Variants in EXOSC7 observed in about 807,000 individuals in gnomAD.
EXOSC7 encodes exosome component 7, also known as exosome complex component RRP42.
In EXOSC7, 25 loss-of-function variants were observed where a neutral mutation model predicts 34.3. The ratio of observed to expected loss-of-function variants is 0.73; its 90% CI spans 0.53 to 1.02. The LOEUF (loss-of-function observed/expected upper bound fraction) is 1.02. Among genes scored for constraint, EXOSC7 ranks in the 50% least tolerant of loss-of-function variants. The probability of loss-of-function intolerance (pLI) is 0.00; values close to 1 mark genes in which losing one functional copy is unlikely to be tolerated. For missense variants in EXOSC7, 370 were observed against 368.5 expected, an observed-to-expected ratio of 1.00 and a Z score of -0.03; for synonymous variants, 130 against 143.0, an observed-to-expected ratio of 0.91 and a Z score of 0.65.
intron 5 of EXOSC7, among the ~76,000 whole-genome samples, chr3:45,002,522 G>C (rs998450653): frequency 1.3e-5 from 2 of 152,150 alleles, no homozygotes; most frequent in Admixed American, 6.5e-5. Flanking sequence ...TGTTAATATG[G>C]AAAATAGTTC....
chr3:44,992,110 A>G (rs1396142155), intron 3 of EXOSC7, among the ~76,000 whole-genome samples: 1 of 152,182 alleles, frequency 6.6e-6, no homozygotes, highest in Non-Finnish European at 1.5e-5. Context: ...GTGAATAGGA[A>G]TGGCTTCTGG....
intron 5 of EXOSC7, chr3:45,002,296 A>G (rs762723333): frequency 6.6e-6 from 1 of 152,188 alleles, no homozygotes; most frequent in African/African-American, 2.4e-5. Context: ...GCCTACATTA[A>G]GGTAACAGAG....
At chr3:44,994,193 T>A (rs1706652109) in intron 3 of EXOSC7, among the ~76,000 whole-genome samples, 1 of 149,224 alleles carries the variant, frequency 6.7e-6, no homozygotes, top group African/African-American at 2.5e-5. Flanking sequence ...GAACATTAAA[T>A]GAGTTAATAC....
intron 1 of EXOSC7, 141 bp downstream of exon 1, chr3:44,976,475 C>A (rs1307495094): frequency 8.1e-6 from 6 of 737,780 alleles, no homozygotes; most frequent in African/African-American, 3.8e-5. Flanking sequence ...GTTCTGCTGC[C>A]GGCGTTTGCA....
intron 5 of EXOSC7, among the ~76,000 whole-genome samples, chr3:45,002,771 G>T (rs1211368472): frequency 6.6e-6 from 1 of 152,160 alleles, no homozygotes; most frequent in Non-Finnish European, 1.5e-5. Flanking sequence ...AATATTTGCT[G>T]AGAATGAAAG....
Position 45,005,317 on chromosome 3 carries a change from ATGAAGAGGGGTCGAAGGACAT to A in EXOSC7, c.523_543del (p.Glu175_Glu181del). 3 of 1,614,120 alleles carry A rather than the reference ATGAAGAGGGGTCGAAGGACAT, an allele frequency of 1.9e-6. No individual in the cohort carries two copies. Among genetic ancestry groups the A allele is most frequent in the Non-Finnish European group, 8.5e-7 (1 of 1,179,998 alleles). On this transcript the variant is annotated inframe_deletion, in exon 6 of 8. Coordinates refer to ENST00000265564, the MANE Select transcript of EXOSC7 (RefSeq NM_015004.4). ...ATACCAAGGGTTCGAGTTTTGGAGGATGAAGAGGGGTCGAAGGACATTGAATTGTCAGATGACCCTTATGAC... is the reference window on the plus strand; with the variant it reads ...ATACCAAGGGTTCGAGTTTTGGAGGATGAATTGTCAGATGACCCTTATGAC...
intron 6 of EXOSC7, among the ~76,000 whole-genome samples, chr3:45,005,821 A>G (rs150757257): frequency 5.9e-5 from 9 of 152,214 alleles, no homozygotes; most frequent in African/African-American, 1.4e-4. Flanking sequence ...CTTGGGTATC[A>G]TGAGTGGTTT....
intron 3 of EXOSC7, among the ~76,000 whole-genome samples, chr3:44,990,049 A>G (rs1461610767): frequency 6.6e-6 from 1 of 152,228 alleles, no homozygotes; most frequent in Non-Finnish European, 1.5e-5. Context: ...TGCTTGACAG[A>G]TGAAGCCTAG....
At chr3:45,001,673 C>G in intron 5 of EXOSC7, 65 bp downstream of exon 5, 1 of 1,152,734 alleles carries the variant, frequency 8.7e-7, no homozygotes. Context: ...TGTAATGGAA[C>G]ACTGAGGAAA....
chr3:44,983,046 A>T (rs1042635041), intron 1 of EXOSC7, among the ~76,000 whole-genome samples: 1 of 152,198 alleles, frequency 6.6e-6, no homozygotes, highest in Non-Finnish European at 1.5e-5. Context: ...AAGCAAGTTA[A>T]TGAGGGGTTA....
chr3:44,999,758 A>ATT (rs1706824176), intron 4 of EXOSC7, among the ~76,000 whole-genome samples: 3 of 152,140 alleles, frequency 2.0e-5, no homozygotes, highest in Non-Finnish European at 4.4e-5. Context: ...TGAAAATTGT[A>ATT]TTATTGATGA....
At chr3:44,997,741 C>T (rs1706761613) in intron 4 of EXOSC7, among the ~76,000 whole-genome samples, 1 of 152,218 alleles carries the variant, frequency 6.6e-6, no homozygotes, top group South Asian at 2.1e-4. Flanking sequence ...GAGGTCTCAG[C>T]TTGTGAGTAG....
chr3:45,010,682 T>G (rs1707182106), intron 7 of EXOSC7, among the ~76,000 whole-genome samples: 1 of 152,216 alleles, frequency 6.6e-6, no homozygotes, highest in South Asian at 2.1e-4. Flanking sequence ...TTCACTGCCT[T>G]TAGCATCTCA....
At chr3:44,979,802 A>C (rs1026314691) in intron 1 of EXOSC7, among the ~76,000 whole-genome samples, 1 of 152,226 alleles carries the variant, frequency 6.6e-6, no homozygotes, top group Non-Finnish European at 1.5e-5. Flanking sequence ...AATTAGGCTC[A>C]AACATGGCCA....
intron 3 of EXOSC7, among the ~76,000 whole-genome samples, chr3:44,991,599 G>C (rs192627667): frequency 6.6e-6 from 1 of 152,164 alleles, no homozygotes; most frequent in African/African-American, 2.4e-5. Flanking sequence ...TAGGGGATAC[G>C]TTTCATTGTG....
chr3:44,998,272 G>A (rs1360044614), intron 4 of EXOSC7, among the ~76,000 whole-genome samples: 2 of 152,028 alleles, frequency 1.3e-5, no homozygotes, highest in Non-Finnish European at 2.9e-5. Flanking sequence ...CTGACCTCAA[G>A]TGATCCACCT....
chr3:44,996,631 G>A (rs1706729086), intron 3 of EXOSC7, among the ~76,000 whole-genome samples: 2 of 152,144 alleles, frequency 1.3e-5, no homozygotes, highest in Non-Finnish European at 1.5e-5. Context: ...TGAGAGTATC[G>A]TAGTGTGTTC....
chr3:44,991,796 T>A (rs1706580075), intron 3 of EXOSC7, among the ~76,000 whole-genome samples: 1 of 152,210 alleles, frequency 6.6e-6, no homozygotes, highest in Non-Finnish European at 1.5e-5. Context: ...TTTCCTCCTC[T>A]GTGGGTCTCA....
rs1399987580 is a variant in EXOSC7 at position 44,976,251 on chromosome 3, G to T, written c.-27G>T. ...AGAGGAGGGGACGCGCGCAGATGACGTGCGGCTCGTGGGGCAGCTCGGCAG... is the reference window on the plus strand; with the variant it reads ...AGAGGAGGGGACGCGCGCAGATGACTTGCGGCTCGTGGGGCAGCTCGGCAG... On this transcript the variant is annotated 5_prime_UTR_variant, in exon 1 of 8. Coordinates refer to ENST00000265564, the MANE Select transcript of EXOSC7 (RefSeq NM_015004.4). The T allele has an allele frequency of 4.6e-6, 7 of 1,534,630 alleles. No homozygotes were observed. In the East Asian group the frequency reaches 1.9e-4, roughly 41 times the overall value.
Sources: gnomAD v4.1 joint callset for allele counts (sites outside exome capture counted in the v4.1 genomes callset) on GRCh38, gnomAD v4.1.1 for gene constraint, MANE v1.5 for transcripts, NCBI Gene and HGNC (gene_info 2026-07-23, HGNC 2026-07-21) for gene names.